TMTC2: variants seen among roughly 807,000 people sequenced by gnomAD.
TMTC2 encodes transmembrane O-mannosyltransferase targeting cadherins 2.
TMTC2 carries 43 observed loss-of-function variants against 82.4 expected under a neutral mutation model. That is an observed-to-expected ratio of 0.52 (90% CI 0.41 to 0.67). The LOEUF is 0.67. Ranked by LOEUF, TMTC2 falls within the 30% of genes least tolerant of loss-of-function variation. The pLI is 0.00. For missense variants in TMTC2, 919 were observed against 1,012.4 expected (o/e 0.91, Z 1.25); for synonymous variants, 408 against 381.9 (o/e 1.07, Z -0.80).
chr12:82,925,516 TG>T (rs1565812656), intron 3 of TMTC2, among the ~76,000 whole-genome samples: 4 of 152,242 alleles, frequency 2.6e-5, no homozygotes, highest in Admixed American at 6.5e-5. Flanking sequence ...ATATTGCATA[TG>T]TTTTTTTAAC....
intron 4 of TMTC2, among the ~76,000 whole-genome samples, chr12:82,938,134 G>T (rs1476861795): frequency 6.6e-6 from 1 of 151,482 alleles, no homozygotes; most frequent in African/African-American, 2.4e-5. Context: ...GGCTGGTCTC[G>T]AACTCCTGAC....
chr12:83,065,406 T>G (rs1413824807), intron 11 of TMTC2, among the ~76,000 whole-genome samples: 4 of 151,914 alleles, frequency 2.6e-5, no homozygotes, highest in African/African-American at 9.7e-5. Flanking sequence ...AAGTTTTATA[T>G]TCTGATACTG....
At chr12:82,917,015 A>G (rs1019248298) in intron 3 of TMTC2, among the ~76,000 whole-genome samples, 7 of 152,150 alleles carry the variant, frequency 4.6e-5, no homozygotes, top group African/African-American at 1.7e-4. Flanking sequence ...AATCCGAGGT[A>G]TAATTTCTTC....
At chr12:82,751,401 G>A (rs1175178955) in intron 1 of TMTC2, among the ~76,000 whole-genome samples, 1 of 151,762 alleles carries the variant, frequency 6.6e-6, no homozygotes, top group Non-Finnish European at 1.5e-5. Context: ...GTGGAGGGAC[G>A]GGGGAGGGAT....
chr12:82,932,263 A>G (rs988570741), intron 4 of TMTC2, among the ~76,000 whole-genome samples: 1 of 152,182 alleles, frequency 6.6e-6, no homozygotes, highest in Non-Finnish European at 1.5e-5. Flanking sequence ...CGTAGGCTTT[A>G]ACACTGGGAT....
chr12:82,928,652 G>A (rs751835481), intron 3 of TMTC2, among the ~76,000 whole-genome samples: 7 of 152,236 alleles, frequency 4.6e-5, no homozygotes, highest in Admixed American at 6.5e-5. Flanking sequence ...AGCCAGTGTC[G>A]GATTAGAGTT....
intron 1 of TMTC2, among the ~76,000 whole-genome samples, chr12:82,834,930 T>G (rs948851607): frequency 1.3e-5 from 2 of 151,878 alleles, no homozygotes; most frequent in Non-Finnish European, 2.9e-5. Context: ...CAGGCTGGAG[T>G]GCGGTGGTGC....
chr12:82,929,064 T>A (rs1875876760), intron 3 of TMTC2, among the ~76,000 whole-genome samples: 1 of 152,046 alleles, frequency 6.6e-6, no homozygotes, highest in Non-Finnish European at 1.5e-5. Context: ...CTGTGTTTGT[T>A]TTTTTGTTTT....
chr12:82,794,602 T>G (rs1423872101), intron 1 of TMTC2, among the ~76,000 whole-genome samples: 1 of 152,286 alleles, frequency 6.6e-6, no homozygotes, highest in East Asian at 1.9e-4. Flanking sequence ...TTATAAAGGC[T>G]TCTATTATAA....
At chr12:82,955,382 G>A (rs1006969714) in intron 4 of TMTC2, among the ~76,000 whole-genome samples, 14 of 152,116 alleles carry the variant, frequency 9.2e-5, no homozygotes, top group East Asian at 3.9e-4. Context: ...TAATGTTTGC[G>A]TTCAGCTCTG....
intron 4 of TMTC2, among the ~76,000 whole-genome samples, chr12:82,946,175 T>C (rs1034946723): frequency 1.7e-4 from 26 of 150,002 alleles, no homozygotes; most frequent in African/African-American, 6.6e-4. Context: ...TATAATTTAC[T>C]ACCTATAATG....
chr12:83,132,120 T>C (rs2137575865), intron 11 of TMTC2, 90 bp from the exon 12 acceptor site: 1 of 1,435,790 alleles, frequency 7.0e-7, no homozygotes, highest in East Asian at 2.4e-5. Flanking sequence ...ATAAGGGAAT[T>C]ATTTGCATAA....
At chr12:83,062,184 A>T (rs1050848460) in intron 11 of TMTC2, among the ~76,000 whole-genome samples, 2 of 151,810 alleles carry the variant, frequency 1.3e-5, no homozygotes, top group Non-Finnish European at 2.9e-5. Context: ...TGGCTGTGGC[A>T]TTAAATACCT....
intron 9 of TMTC2, among the ~76,000 whole-genome samples, chr12:83,034,506 C>T (rs894303082): frequency 2.6e-5 from 4 of 152,046 alleles, no homozygotes; most frequent in African/African-American, 7.2e-5. Flanking sequence ...TCTGAGTGTA[C>T]CGGAAGGGAC....
At chr12:83,041,747 A>G (rs1467949969) in intron 9 of TMTC2, among the ~76,000 whole-genome samples, 1 of 151,664 alleles carries the variant, frequency 6.6e-6, no homozygotes, top group Non-Finnish European at 1.5e-5. Context: ...CAGTCTAAAC[A>G]GTTCTTTAAG....
chr12:82,935,778 G>A (rs1565816987), intron 4 of TMTC2, among the ~76,000 whole-genome samples: 2 of 152,090 alleles, frequency 1.3e-5, no homozygotes, highest in Non-Finnish European at 2.9e-5. Flanking sequence ...GAAGAATTAT[G>A]TCTGTTGATG....
intron 3 of TMTC2, among the ~76,000 whole-genome samples, chr12:82,904,746 G>T (rs961895897): frequency 2.0e-5 from 3 of 152,122 alleles, no homozygotes; most frequent in African/African-American, 7.2e-5. Flanking sequence ...CTTAAAGAAA[G>T]AATTTCTTGA....
chr12:82,916,178 A>G (rs1171472795), intron 3 of TMTC2, among the ~76,000 whole-genome samples: 1 of 152,220 alleles, frequency 6.6e-6, no homozygotes, highest in Non-Finnish European at 1.5e-5. Context: ...ACCACTATTT[A>G]TGACATTCTA....
At chr12:82,778,725 T>C (rs1348620891) in intron 1 of TMTC2, among the ~76,000 whole-genome samples, 2 of 150,108 alleles carry the variant, frequency 1.3e-5, no homozygotes, top group Non-Finnish European at 3.0e-5. Context: ...GGCGGGCGCC[T>C]GTAGTCCCAG....
Sources: gnomAD v4.1 joint callset for allele counts (sites outside exome capture counted in the v4.1 genomes callset) on GRCh38, gnomAD v4.1.1 for gene constraint, MANE v1.5 for transcripts, NCBI Gene and HGNC (gene_info 2026-07-23, HGNC 2026-07-21) for gene names.